Variants in XRCC5 observed in about 807,000 individuals in gnomAD.
XRCC5 encodes X-ray repair cross complementing 5, also known as DNA repair protein Ku80.
In XRCC5, 12 loss-of-function variants were observed where a neutral mutation model predicts 95.7. The ratio of observed to expected loss-of-function variants is 0.13; its 90% CI spans 0.08 to 0.20. The LOEUF (loss-of-function observed/expected upper bound fraction) is 0.20. XRCC5 is among the 10% of genes least tolerant of loss of function. The pLI, the probability that XRCC5 is intolerant of heterozygous loss-of-function variation, is 1.00. For synonymous variants in XRCC5, 281 were observed against 290.3 expected (o/e 0.97, Z 0.33); for missense variants, 595 against 873.9 (o/e 0.68, Z 4.02).
chr2:216,159,012 G>A (rs755791604), intron 14 of XRCC5, among the ~76,000 whole-genome samples: 3 of 152,110 alleles, frequency 2.0e-5, no homozygotes, highest in African/African-American at 4.8e-5. Context: ...AATTTTAACT[G>A]TTCTCATAAT....
intron 13 of XRCC5, among the ~76,000 whole-genome samples, chr2:216,143,672 G>T (rs1697206716): frequency 6.6e-6 from 1 of 150,658 alleles, no homozygotes; most frequent in African/African-American, 2.4e-5. Flanking sequence ...TACTAACAAT[G>T]AACCACGTGC....
At chr2:216,109,757 CCT>C (rs199972718) in intron 1 of XRCC5, among the ~76,000 whole-genome samples, 5 of 151,498 alleles carry the variant, frequency 3.3e-5, no homozygotes, top group South Asian at 4.2e-4. Flanking sequence ...ACCCGCCTCC[CCT>C]CTCTCTCTCT....
intron 1 of XRCC5, among the ~76,000 whole-genome samples, chr2:216,112,609 A>G (rs1381617699): frequency 6.6e-6 from 1 of 152,254 alleles, no homozygotes; most frequent in Non-Finnish European, 1.5e-5. Context: ...CGAATCAGTG[A>G]CTTACAGTGA....
At position 216,205,996 on chromosome 2, in the gene XRCC5, C is replaced by CG. The variant is rs146010473; in HGVS notation, c.*794_*795insG. On this transcript the variant is annotated 3_prime_UTR_variant, in exon 21 of 21. Transcript: ENST00000392132. ...TTCACTGTTCTCTACTTGCAAGCCTCAAAGAGAGAAAGTTTCGTTATATTA... is the reference window on the plus strand; with the variant it reads ...TTCACTGTTCTCTACTTGCAAGCCTCGAAAGAGAGAAAGTTTCGTTATATTA... The CG allele has an allele frequency of 2.8e-4, 43 of 152,326 alleles. No individual in the cohort carries two copies. The highest frequency in any genetic ancestry group is 1.0e-3 in the African/African-American group (43 of 41,570). 9.4% of individuals were successfully genotyped at this position (152,326 alleles called of 1,614,324 possible). A position where few individuals can be genotyped will look rare whatever the true frequency, so the allele number is the denominator to read the frequency against.
chr2:216,148,416 T>C (rs1389056840), intron 14 of XRCC5, 140 bp downstream of exon 14: 4 of 696,636 alleles, frequency 5.7e-6, no homozygotes, highest in South Asian at 2.2e-5. Context: ...TTGGCCCTTA[T>C]ATTGAAATAT....
intron 19 of XRCC5, among the ~76,000 whole-genome samples, chr2:216,199,478 A>AT (rs1215512362): frequency 6.6e-6 from 1 of 152,138 alleles, no homozygotes; most frequent in Non-Finnish European, 1.5e-5. Context: ...CTCTCATTTC[A>AT]TTTTGAAACC....
chr2:216,185,725 G>C (rs1689482154), intron 16 of XRCC5, among the ~76,000 whole-genome samples: 1 of 150,472 alleles, frequency 6.6e-6, no homozygotes, highest in Non-Finnish European at 1.5e-5. Context: ...GCCCAGGTTG[G>C]AGTGCAGTGG....
chr2:216,152,570 G>A (rs1300899396), intron 14 of XRCC5, among the ~76,000 whole-genome samples: 1 of 151,592 alleles, frequency 6.6e-6, no homozygotes, highest in Non-Finnish European at 1.5e-5. Flanking sequence ...TTCTTTTCCT[G>A]TCTCAGTGAA....
intron 18 of XRCC5, among the ~76,000 whole-genome samples, chr2:216,193,854 G>C (rs1412040396): frequency 6.6e-6 from 1 of 152,162 alleles, no homozygotes; most frequent in African/African-American, 2.4e-5. Flanking sequence ...AGTTTATCAG[G>C]TATCAGCCAT....
At chr2:216,177,941 CA>C (rs1190659451) in intron 16 of XRCC5, among the ~76,000 whole-genome samples, 1 of 152,038 alleles carries the variant, frequency 6.6e-6, no homozygotes, top group Non-Finnish European at 1.5e-5. Flanking sequence ...AGCTACAAAC[CA>C]AAGATAAGAT....
intron 16 of XRCC5, among the ~76,000 whole-genome samples, chr2:216,174,720 G>C (rs193235137): frequency 2.0e-5 from 3 of 152,242 alleles, no homozygotes; most frequent in Admixed American, 6.5e-5. Context: ...GCACAAGAAG[G>C]GTTTTCTGTT....
At chr2:216,145,454 G>A (rs1002923725) in intron 13 of XRCC5, among the ~76,000 whole-genome samples, 1 of 152,304 alleles carries the variant, frequency 6.6e-6, no homozygotes. Context: ...ATTGTGGTCT[G>A]TAGGTTTTTC....
At chr2:216,171,341 G>A (rs1432705455) in intron 16 of XRCC5, among the ~76,000 whole-genome samples, 1 of 152,222 alleles carries the variant, frequency 6.6e-6, no homozygotes, top group Admixed American at 6.5e-5. Flanking sequence ...AAAATGTCGT[G>A]CTTGCTTCTT....
At chr2:216,160,953 C>G (rs767332599) in intron 15 of XRCC5, among the ~76,000 whole-genome samples, 1 of 152,014 alleles carries the variant, frequency 6.6e-6, no homozygotes, top group East Asian at 1.9e-4. Flanking sequence ...TTCAGCCTCC[C>G]GAAGCACTGG....
intron 13 of XRCC5, among the ~76,000 whole-genome samples, chr2:216,146,808 TC>T (rs1326880326): frequency 6.6e-6 from 1 of 152,094 alleles, no homozygotes; most frequent in Non-Finnish European, 1.5e-5. Context: ...TTGGCGCCCC[TC>T]CCCCTTGGTG....
In XRCC5 at chr2:216,144,076, G is replaced by C. The variant is rs1234866259; in HGVS notation, c.1476+2757G>C. On this transcript the variant is annotated intron_variant, in intron 13 of 20. Coordinates refer to ENST00000392132, the MANE Select transcript of XRCC5 (RefSeq NM_021141.4). ...AGAAAAGTAGAGAGAGAAAAAACCA[G>C]TTGTTAAAACAGTGGTGGGAAAACA... is the stretch of plus-strand genomic sequence containing the variant. Among the ~76,000 whole-genome samples the C allele has an allele frequency of 2.0e-5, 3 of 152,226 alleles. No homozygotes were observed. The East Asian group carries it at 5.8e-4, about 29-fold the overall frequency.
intron 19 of XRCC5, among the ~76,000 whole-genome samples, chr2:216,201,371 G>T (rs1689830864): frequency 1.3e-5 from 2 of 152,228 alleles, no homozygotes; most frequent in Non-Finnish European, 2.9e-5. Context: ...TGGAAGTCAT[G>T]TGTTTTTACT....
rs376627755 is a variant in XRCC5, at chr2:216,141,675, G to T, written c.1476+356G>T. On this transcript the variant is annotated intron_variant, in intron 13 of 20. Transcript: ENST00000392132. ...TATAGCCTCAAACTCCTGTGCTCAA[G>T]CACTCTTCCCGCCTCAGTCTCCTGA... Among the ~76,000 whole-genome samples, 44 of 150,728 alleles carry T rather than the reference G, an allele frequency of 2.9e-4. 1 individual carries two copies. In the East Asian group the frequency reaches 7.7e-3, roughly 26 times the overall value.
At chr2:216,151,792 G>A (rs1479060391) in intron 14 of XRCC5, among the ~76,000 whole-genome samples, 1 of 152,158 alleles carries the variant, frequency 6.6e-6, no homozygotes, top group African/African-American at 2.4e-5. Context: ...GACAATGACA[G>A]TAGAGGCCAA....
Sources: allele counts gnomAD v4.1 joint callset (sites outside exome capture counted in the v4.1 genomes callset), GRCh38; gene constraint gnomAD v4.1.1; transcripts MANE v1.5; gene names NCBI Gene and HGNC (gene_info 2026-07-23, HGNC 2026-07-21).